Variants in VSTM2L observed in about 807,000 individuals in gnomAD.
The protein encoded by VSTM2L is V-set and transmembrane domain-containing protein 2-like protein.
In VSTM2L, 9 loss-of-function variants were observed where a neutral mutation model predicts 19.9. That is an observed-to-expected ratio of 0.45 (90% CI 0.27 to 0.79). VSTM2L has a LOEUF of 0.79. Among genes scored for constraint, VSTM2L ranks in the 30% least tolerant of loss-of-function variants. VSTM2L has a pLI of 0.15. For synonymous variants in VSTM2L, 127 were observed against 133.8 expected (o/e 0.95, Z 0.35); for missense variants, 286 against 295.5 (o/e 0.97, Z 0.24).
chr20:37,939,111 G>A (rs2072957038), intron 3 of VSTM2L, among the ~76,000 whole-genome samples: 1 of 152,150 alleles, frequency 6.6e-6, no homozygotes, highest in Admixed American at 6.5e-5. Flanking sequence ...TTAAATAAGA[G>A]TGATGAAGCT....
chr20:37,925,532 G>A (rs929152499), intron 1 of VSTM2L, among the ~76,000 whole-genome samples: 1 of 152,104 alleles, frequency 6.6e-6, no homozygotes, highest in Middle Eastern at 3.2e-3. Flanking sequence ...GGGCAGCTTG[G>A]GGTGGAGGTC....
chr20:37,938,448 C>T (rs2072952709), intron 3 of VSTM2L, among the ~76,000 whole-genome samples: 1 of 152,200 alleles, frequency 6.6e-6, no homozygotes, highest in African/African-American at 2.4e-5. Context: ...CCAGCACCTT[C>T]CCTGGGGCCT....
At chr20:37,910,011 G>A (rs963025050) in intron 1 of VSTM2L, among the ~76,000 whole-genome samples, 3 of 152,090 alleles carry the variant, frequency 2.0e-5, no homozygotes, top group Admixed American at 6.5e-5. Flanking sequence ...CCATCAGGGC[G>A]TCCCTGGGAC....
chr20:37,933,434 C>T (rs1261724019), intron 2 of VSTM2L, 105 bp from the exon 3 acceptor site: 13 of 917,218 alleles, frequency 1.4e-5, no homozygotes, highest in South Asian at 6.6e-5. Flanking sequence ...AGAATCTTAG[C>T]GGTTGTCCGT....
intron 1 of VSTM2L, among the ~76,000 whole-genome samples, chr20:37,908,305 G>A (rs1274547068): frequency 6.6e-6 from 1 of 152,230 alleles, no homozygotes; most frequent in Non-Finnish European, 1.5e-5. Context: ...GGCAGGGTGA[G>A]GGGAGTCGGG....
Position 37,931,684 on chromosome 20 carries a change from C to A in VSTM2L, c.171C>A (p.Asp57Glu). 3 of 1,613,646 alleles carry A rather than the reference C, an allele frequency of 1.9e-6. No homozygotes were observed. Among genetic ancestry groups the A allele is most frequent in the Non-Finnish European group, 2.5e-6 (3 of 1,180,022 alleles). ...ACATGACAGCACGGACGGGCGAGGA[C>A]GTGGAGATGGCCTGCTCCTTCCGCG... ...PHDMTARTGE[D>E]VEMACSFRGS... is the part of the protein sequence containing the mutation. Residue 57 changes from aspartate to glutamate, a missense_variant, in exon 2 of 4, where the codon GAC becomes GAA. Transcript: ENST00000373461.
chr20:37,941,171 A>G (rs2072969818), intron 3 of VSTM2L, among the ~76,000 whole-genome samples: 1 of 152,192 alleles, frequency 6.6e-6, no homozygotes, highest in African/African-American at 2.4e-5. Flanking sequence ...GACAAAATAA[A>G]TATTGTCCCT....
intron 3 of VSTM2L, among the ~76,000 whole-genome samples, chr20:37,939,863 C>CCTCCCTGCGGTG (rs1348097285): frequency 6.6e-6 from 1 of 152,192 alleles, no homozygotes; most frequent in African/African-American, 2.4e-5. Flanking sequence ...GCCTCCCATC[C>CCTCCCTGCGGTG]CTCCCTGCGG....
intron 2 of VSTM2L, among the ~76,000 whole-genome samples, chr20:37,932,261 C>A (rs752625046): frequency 5.3e-5 from 8 of 152,180 alleles, no homozygotes; most frequent in Non-Finnish European, 1.0e-4. Flanking sequence ...AGGCTCCCAG[C>A]ACACCCTTGG....
intron 3 of VSTM2L, among the ~76,000 whole-genome samples, chr20:37,939,555 A>C (rs2072959834): frequency 6.6e-6 from 1 of 152,196 alleles, no homozygotes; most frequent in Non-Finnish European, 1.5e-5. Context: ...TTTTATTAAA[A>C]ATATCGTATT....
chr20:37,907,387 A>T (rs1358060849), intron 1 of VSTM2L, among the ~76,000 whole-genome samples: 1 of 152,214 alleles, frequency 6.6e-6, no homozygotes, highest in African/African-American at 2.4e-5. Context: ...GATTACAGGC[A>T]TGAGCCACCG....
chr20:37,905,543 G>A (rs1243959282), intron 1 of VSTM2L, among the ~76,000 whole-genome samples: 1 of 152,316 alleles, frequency 6.6e-6, no homozygotes, highest in African/African-American at 2.4e-5. Flanking sequence ...GGGGCTAGAT[G>A]AGAAGGAGGC....
intron 1 of VSTM2L, among the ~76,000 whole-genome samples, chr20:37,907,948 T>C (rs1253950372): frequency 1.3e-5 from 2 of 152,200 alleles, no homozygotes; most frequent in African/African-American, 4.8e-5. Flanking sequence ...CTGGCTAGTT[T>C]GGTGGCTGGA....
At chr20:37,932,237 C>T (rs906400800) in intron 2 of VSTM2L, among the ~76,000 whole-genome samples, 3 of 152,170 alleles carry the variant, frequency 2.0e-5, no homozygotes, top group Non-Finnish European at 2.9e-5. Flanking sequence ...CAGGCACACA[C>T]GCATACGTGC....
rs1568841841 is a variant in VSTM2L, at chr20:37,933,643, A to C, written c.342+54A>C. 2.5e-6 allele frequency: 4 copies of C among 1,591,686 alleles called. No homozygotes were observed. The East Asian group carries it at 9.0e-5, about 36-fold the overall frequency. On this transcript the variant is annotated intron_variant, in intron 3 of 3. Coordinates refer to ENST00000373461, the MANE Select transcript of VSTM2L (RefSeq NM_080607.3). The stretch of plus-strand genomic sequence containing the variant: ...GGCTCTAATGGAGGGCACAGCTGTG[A>C]CTTAAAAAAAAATTGGGGTCCAGTT...
chr20:37,903,231 G>T lies in VSTM2L; in HGVS notation c.-120G>T, dbSNP rs1189719597. The T allele has an allele frequency of 1.7e-6, 2 of 1,195,168 alleles. No homozygotes were observed. The highest frequency in any genetic ancestry group is 2.1e-6 in the Non-Finnish European group (2 of 954,144). The allele number at this position is 1,195,168 out of a possible 1,614,324, so 74.0% of individuals were successfully genotyped here. On this transcript the variant is annotated 5_prime_UTR_variant, in exon 1 of 4. Coordinates refer to ENST00000373461, the MANE Select transcript of VSTM2L (RefSeq NM_080607.3). ...TGGGCCGGGTCCGGGGACAGCGGGCGAGGGGCAGCTGCCGGAGCCGGGCAG... is the reference window on the plus strand; with the variant it reads ...TGGGCCGGGTCCGGGGACAGCGGGCTAGGGGCAGCTGCCGGAGCCGGGCAG...
chr20:37,914,058 T>C (rs902365005), intron 1 of VSTM2L, among the ~76,000 whole-genome samples: 10 of 151,786 alleles, frequency 6.6e-5, no homozygotes, highest in Admixed American at 5.9e-4. Context: ...CATGGGATGC[T>C]GGGGCTGGCC....
At chr20:37,941,539 G>A (rs1383243490) in intron 3 of VSTM2L, among the ~76,000 whole-genome samples, 1 of 152,184 alleles carries the variant, frequency 6.6e-6, no homozygotes, top group African/African-American at 2.4e-5. Flanking sequence ...GCATGCAGAG[G>A]GCGCACTTTC....
chr20:37,920,758 A>T (rs2072845743), intron 1 of VSTM2L, among the ~76,000 whole-genome samples: 1 of 152,222 alleles, frequency 6.6e-6, no homozygotes, highest in African/African-American at 2.4e-5. Flanking sequence ...GGAAACTCCA[A>T]TCTGGCACAT....
Sources: allele counts gnomAD v4.1 joint callset (sites outside exome capture counted in the v4.1 genomes callset), GRCh38; gene constraint gnomAD v4.1.1; transcripts MANE v1.5; gene names NCBI Gene and HGNC (gene_info 2026-07-23, HGNC 2026-07-21).